The following ABCC1 variants were observed in gnomAD, a reference collection of about 807,000 sequenced individuals.
The protein encoded by ABCC1 is ATP binding cassette subfamily C member 1 (ABCC1 blood group), also known as multidrug resistance-associated protein 1.
A neutral mutation model predicts 172.9 loss-of-function variants in ABCC1; 83 were observed. The ratio of observed to expected loss-of-function variants is 0.48; its 90% CI spans 0.40 to 0.58. The LOEUF is 0.58. ABCC1 is among the 20% of genes least tolerant of loss of function. ABCC1 has a pLI of 0.00. For synonymous variants in ABCC1, 937 were observed against 825.2 expected (o/e 1.14, Z -2.32); for missense variants, 1,817 against 2,002.7 (o/e 0.91, Z 1.77).
At chr16:15,973,884 C>T (rs941051571) in intron 1 of ABCC1, among the ~76,000 whole-genome samples, 1 of 151,804 alleles carries the variant, frequency 6.6e-6, no homozygotes, top group Non-Finnish European at 1.5e-5. Context: ...ACTCAGGAGG[C>T]AGAGGTGGGA....
chr16:16,073,634 G>C (rs1001681921), intron 14 of ABCC1, among the ~76,000 whole-genome samples: 4 of 152,176 alleles, frequency 2.6e-5, no homozygotes, highest in Non-Finnish European at 5.9e-5. Flanking sequence ...TGGTGCACCT[G>C]TAGTCCTAGT....
chr16:16,037,369 C>T (rs2048797552), intron 7 of ABCC1, among the ~76,000 whole-genome samples: 1 of 152,228 alleles, frequency 6.6e-6, no homozygotes, highest in African/African-American at 2.4e-5. Context: ...TGCCCCACTG[C>T]ACCACCTCTG....
intron 11 of ABCC1, among the ~76,000 whole-genome samples, chr16:16,054,833 A>G (rs1243086064): frequency 6.6e-6 from 1 of 152,224 alleles, no homozygotes; most frequent in Non-Finnish European, 1.5e-5. Context: ...AGTTGCTGGG[A>G]TACACAAAAT....
rs550860115 is a variant in ABCC1, at chr16:16,125,937, T to G, written c.3819+26T>G. 1.5e-5 allele frequency: 23 copies of G among 1,582,334 alleles called. No individual in the cohort carries two copies. The East Asian group carries it at 4.7e-4, about 32-fold the overall frequency. Reference sequence around the variant, plus strand: ...GTAGGCAAGGGCCCCTGGCTGGACCTCTTGGTCTTTGGTGTAGCTTTACCC... The same window carrying G: ...GTAGGCAAGGGCCCCTGGCTGGACCGCTTGGTCTTTGGTGTAGCTTTACCC... On this transcript the variant is annotated intron_variant, in intron 26 of 30. Transcript: ENST00000399410.
rs2047596741 is a variant in ABCC1 at position 16,007,716 on chromosome 16, T to G, written c.49-100T>G. The G allele has an allele frequency of 2.5e-6, 3 of 1,202,966 alleles. No individual in the cohort carries two copies. The South Asian group carries it at 4.7e-5, about 19-fold the overall frequency. 74.5% of individuals were successfully genotyped at this position (1,202,966 alleles called of 1,614,324 possible). A position where few individuals can be genotyped will look rare whatever the true frequency, so the allele number is the denominator to read the frequency against. ...TCCTTGGATATATAGGAGCCTTGTCTGTTTCTTCAAACCCCGTGGCAGCTG... is the reference window on the plus strand; with the variant it reads ...TCCTTGGATATATAGGAGCCTTGTCGGTTTCTTCAAACCCCGTGGCAGCTG... On this transcript the variant is annotated intron_variant, in intron 1 of 30. Transcript: ENST00000399410.
At chr16:16,081,568 A>C (rs1292234049) in intron 16 of ABCC1, among the ~76,000 whole-genome samples, 1 of 152,116 alleles carries the variant, frequency 6.6e-6, no homozygotes, top group Non-Finnish European at 1.5e-5. Context: ...TATGTCTGAA[A>C]TTTCTGTGGG....
chr16:16,104,176 C>G (rs150126643), intron 20 of ABCC1, among the ~76,000 whole-genome samples: 55 of 152,226 alleles, frequency 3.6e-4, no homozygotes, highest in African/African-American at 9.9e-4. Flanking sequence ...AAAGATTTAT[C>G]GCAAAGAGTG....
At chr16:15,995,350 G>A (rs989732144) in intron 1 of ABCC1, among the ~76,000 whole-genome samples, 10 of 152,132 alleles carry the variant, frequency 6.6e-5, no homozygotes, top group African/African-American at 2.2e-4. Flanking sequence ...AGAAGAAGGC[G>A]GCACAGGTTT....
In ABCC1 at chr16:16,036,492, G is replaced by T; in HGVS notation, c.698G>T (p.Arg233Leu). 1 of 1,613,526 alleles carries T rather than the reference G, an allele frequency of 6.2e-7. No homozygotes were observed. The highest frequency in any genetic ancestry group is 8.5e-7 in the Non-Finnish European group (1 of 1,179,734). The change falls in exon 7 of 31, where the codon CGC becomes CTC. Residue 233 changes from arginine (R) to leucine (L), a missense_variant. Arg to Leu is a moderately radical substitution (Grantham distance 102). Around this residue, in one of 3 missense-constraint regions of ABCC1, gnomAD observed 398 missense variants for 384.2 expected, o/e 1.04. Coordinates refer to ENST00000399410, the MANE Select transcript of ABCC1 (RefSeq NM_004996.4). ...WITGLIVRGY[R>L]QPLEGSDLWS... ...CCCAGGTTGATTGTCCGGGGCTACC[G>T]CCAGCCCCTGGAGGGCAGTGACCTC...
intron 30 of ABCC1, among the ~76,000 whole-genome samples, chr16:16,139,063 G>C (rs919959952): frequency 6.6e-6 from 1 of 152,144 alleles, no homozygotes; most frequent in African/African-American, 2.4e-5. Flanking sequence ...GCGCACCTGC[G>C]GTGTTCCCAG....
At chr16:15,991,862 A>G (rs2046880679) in intron 1 of ABCC1, among the ~76,000 whole-genome samples, 1 of 151,862 alleles carries the variant, frequency 6.6e-6, no homozygotes, top group African/African-American at 2.4e-5. Context: ...CTCCCCTAGG[A>G]TCTTCTCCTA....
rs147161637 is a variant in ABCC1 at position 16,043,222 on chromosome 16, G to GTT, written c.810-1208_810-1207dup. Among the ~76,000 whole-genome samples the GTT allele has an allele frequency of 4.9e-3, 437 of 89,472 alleles. 11 individuals are homozygous for GTT. The highest frequency in any genetic ancestry group is 0.011 in the African/African-American group (225 of 19,694). The allele number at this position is 89,472 out of a possible 152,430, so 58.7% of individuals were successfully genotyped here. ...CTGTGTTGCTCTGGCTGGCTGGACT[G>GTT]TTTTTTTTTTTTTTTTTTTTTCCAC... On this transcript the variant is annotated intron_variant, in intron 7 of 30. Transcript: ENST00000399410.
chr16:16,008,760 T>C (rs2047654281), intron 2 of ABCC1, among the ~76,000 whole-genome samples: 1 of 149,956 alleles, frequency 6.7e-6, no homozygotes, highest in Non-Finnish European at 1.5e-5. Context: ...GGAGGATCCC[T>C]TGAACCCAGG....
chr16:16,113,766 C>T (rs1324019642), intron 22 of ABCC1, among the ~76,000 whole-genome samples: 1 of 152,216 alleles, frequency 6.6e-6, no homozygotes, highest in African/African-American at 2.4e-5. Context: ...AAACAGCGAT[C>T]CCTAGCCTTT....
At chr16:16,043,892 A>G (rs958843979) in intron 7 of ABCC1, among the ~76,000 whole-genome samples, 15 of 151,984 alleles carry the variant, frequency 9.9e-5, no homozygotes, top group Non-Finnish European at 1.5e-4. Context: ...GTGAACCACC[A>G]CTCCTGGCCA....
rs550904680 is a variant in ABCC1 at position 15,965,904 on chromosome 16, A to G, written c.48+16105A>G. On this transcript the variant is annotated intron_variant, in intron 1 of 30. Transcript: ENST00000399410. ...ACCCAGTCATTTTTATTTTTCTTTT[A>G]AAGAAAACACTGTCCTGAATACCAC... 1.1e-4 allele frequency among the ~76,000 whole-genome samples: 16 copies of G among 152,232 alleles called. No individual in the cohort carries two copies. The East Asian group carries it at 3.1e-3, about 29-fold the overall frequency.
intron 22 of ABCC1, 109 bp from the exon 23 acceptor site, chr16:16,114,657 A>G (rs762783302): frequency 1.2e-4 from 119 of 991,026 alleles, no homozygotes; most frequent in Non-Finnish European, 1.6e-4. Flanking sequence ...TATTATTATT[A>G]TTAGAAGTTG....
At chr16:16,137,438 G>A (rs1243182897) in intron 29 of ABCC1, among the ~76,000 whole-genome samples, 1 of 151,084 alleles carries the variant, frequency 6.6e-6, no homozygotes, top group Non-Finnish European at 1.5e-5. Flanking sequence ...TCTTTTGGCT[G>A]TCCTTACTTT....
intron 8 of ABCC1, 106 bp from the exon 9 acceptor site, chr16:16,045,730 C>G: frequency 2.7e-6 from 3 of 1,115,156 alleles, no homozygotes; most frequent in Admixed American, 2.2e-5. Context: ...GTGATAGTGT[C>G]TAGCTCATCT....
Sources: gnomAD v4.1 joint callset for allele counts (sites outside exome capture counted in the v4.1 genomes callset) on GRCh38, gnomAD v4.1.1 for gene constraint, gnomAD v4.1.1 regional missense constraint, MANE v1.5 for transcripts, NCBI Gene and HGNC (gene_info 2026-07-23, HGNC 2026-07-21) for gene names.